The following SCARA3 variants were observed in gnomAD, a reference collection of about 807,000 sequenced individuals.
SCARA3 encodes cellular stress response gene protein.
Under a neutral mutation model 47.0 loss-of-function variants are expected in SCARA3, and 39 were observed. The observed-to-expected ratio is 0.83, with a 90% CI of 0.64 to 1.08. The LOEUF is 1.08. Among genes scored for constraint, SCARA3 ranks in the 50% least tolerant of loss-of-function variants. SCARA3 has a pLI of 0.00. For synonymous variants in SCARA3, 356 were observed against 334.1 expected, an observed-to-expected ratio of 1.07 and a Z score of -0.71; for missense variants, 724 against 792.3, an observed-to-expected ratio of 0.91 and a Z score of 1.04.
At chr8:27,697,036 A>G in the SCARA3 span, among the ~76,000 whole-genome samples, 1 of 152,216 alleles carries the variant, frequency 6.6e-6, no homozygotes, top group Admixed American at 6.5e-5. Flanking sequence ...ATTTTATGGT[A>G]TGTAAGTTGT....
chr8:27,651,393 T>G, intron 2 of SCARA3, 115 bp from the exon 3 acceptor site: 1 of 1,313,434 alleles, frequency 7.6e-7, no homozygotes, highest in Non-Finnish European at 1.0e-6. Flanking sequence ...ACAGCTCCCC[T>G]TCTGAGCCTG....
downstream of SCARA3, among the ~76,000 whole-genome samples, chr8:27,675,573 T>C (rs1300911810): frequency 6.6e-6 from 1 of 152,102 alleles, no homozygotes; most frequent in African/African-American, 2.4e-5. Context: ...GTGGATCACT[T>C]GAGGTCAGGA....
At chr8:27,682,975 A>G in the SCARA3 span, among the ~76,000 whole-genome samples, 1 of 152,152 alleles carries the variant, frequency 6.6e-6, no homozygotes, top group African/African-American at 2.4e-5. Context: ...TTATTGTACA[A>G]GAATATTCAT....
chr8:27,639,005 C>T (rs200941144), intron 1 of SCARA3, among the ~76,000 whole-genome samples: 6 of 152,260 alleles, frequency 3.9e-5, no homozygotes, highest in African/African-American at 7.2e-5. Context: ...GCAAATCTGA[C>T]GGCACCAGAT....
chr8:27,634,947 A>G (rs568481267), intron 1 of SCARA3, among the ~76,000 whole-genome samples: 71 of 152,240 alleles, frequency 4.7e-4, no homozygotes, highest in African/African-American at 1.6e-3. Flanking sequence ...GCTACAGGAG[A>G]AGCAGGCTTT....
Position 27,634,125 on chromosome 8 carries a change from T to G in SCARA3, c.-76T>G. ...GGACGGCGATCCGCGCCCTGGAGGA[T>G]CCGCCGGCCGCCCGGCTCCACTACA... On this transcript the variant is annotated 5_prime_UTR_variant, in exon 1 of 6. Coordinates refer to ENST00000301904, the MANE Select transcript of SCARA3 (RefSeq NM_016240.3). 2 of 1,387,694 alleles carry G rather than the reference T, an allele frequency of 1.4e-6. No homozygotes were observed. Among genetic ancestry groups the G allele is most frequent in the Non-Finnish European group, 1.9e-6 (2 of 1,062,382 alleles). 86.0% of individuals were successfully genotyped at this position (1,387,694 alleles called of 1,614,324 possible). A position where few individuals can be genotyped will look rare whatever the true frequency, so the allele number is the denominator to read the frequency against.
chr8:27,676,544 T>C, downstream of SCARA3: 1 of 1,610,974 alleles, frequency 6.2e-7, no homozygotes, highest in Non-Finnish European at 8.5e-7. Flanking sequence ...TATTAGAACA[T>C]CTCAATGTGT....
intron 1 of SCARA3, 111 bp downstream of exon 1, chr8:27,634,318 G>T: frequency 1.0e-6 from 1 of 994,146 alleles, no homozygotes; most frequent in Non-Finnish European, 1.3e-6. Context: ...AGGGCAGGGC[G>T]CCTCTGGCTT....
chr8:27,643,990 A>C (rs1261158028), intron 1 of SCARA3, among the ~76,000 whole-genome samples: 3 of 152,328 alleles, frequency 2.0e-5, no homozygotes, highest in Non-Finnish European at 4.4e-5. Flanking sequence ...GCTCAACCCC[A>C]GTGGAGTCAG....
intron 1 of SCARA3, among the ~76,000 whole-genome samples, chr8:27,646,651 G>GCCCACAT (rs1249684638): frequency 6.6e-6 from 1 of 152,136 alleles, no homozygotes; most frequent in African/African-American, 2.4e-5. Context: ...ACAGCCCACA[G>GCCCACAT]CCCACAACGT....
chr8:27,651,778 T>G, intron 3 of SCARA3, 151 bp downstream of exon 3: 4 of 1,118,568 alleles, frequency 3.6e-6, no homozygotes, highest in Non-Finnish European at 3.8e-6. Flanking sequence ...CTATGCCTAA[T>G]GCAAACTGCA....
At chr8:27,669,879 AG>A (rs1405700251) in intron 5 of SCARA3, among the ~76,000 whole-genome samples, 2 of 152,214 alleles carry the variant, frequency 1.3e-5, no homozygotes, top group African/African-American at 4.8e-5. Context: ...CCTGTGCCGC[AG>A]AACTGGGTAC....
intron 5 of SCARA3, among the ~76,000 whole-genome samples, chr8:27,667,417 C>T (rs1002126800): frequency 1.3e-5 from 2 of 152,178 alleles, no homozygotes; most frequent in Non-Finnish European, 2.9e-5. Context: ...CCTAGGATTG[C>T]AGCCTCTCCT....
chr8:27,680,827 T>G (rs1802344662), downstream of SCARA3, among the ~76,000 whole-genome samples: 2 of 152,198 alleles, frequency 1.3e-5, no homozygotes, highest in East Asian at 1.9e-4. Flanking sequence ...ACAAGAATGC[T>G]AGGCTAGTTT....
chr8:27,712,337 G>T, the SCARA3 span, among the ~76,000 whole-genome samples: 1 of 152,016 alleles, frequency 6.6e-6, no homozygotes, highest in Admixed American at 6.6e-5. Context: ...GCCGAGGCGG[G>T]CGGATCACGA....
chr8:27,660,284 A>G (rs967950739), intron 5 of SCARA3, among the ~76,000 whole-genome samples: 14 of 152,102 alleles, frequency 9.2e-5, no homozygotes, highest in Non-Finnish European at 1.5e-4. Flanking sequence ...CAGAAATAGA[A>G]TCAATAGTGT....
At position 27,656,781 on chromosome 8, in the gene SCARA3, G is replaced by A; in HGVS notation, c.227-1G>A. Reference sequence around the variant, plus strand: ...CAGCTTCTCATCTGTTTTCCCTACAGTTTTCAGAAAAGTGGACTCTCTCTC... The same window carrying A: ...CAGCTTCTCATCTGTTTTCCCTACAATTTTCAGAAAAGTGGACTCTCTCTC... On this transcript the variant is annotated splice_acceptor_variant, in intron 3 of 5. Coordinates refer to ENST00000301904, the MANE Select transcript of SCARA3 (RefSeq NM_016240.3). LOFTEE classifies it high-confidence loss of function. The A allele has an allele frequency of 6.3e-7, 1 of 1,595,320 alleles. No individual in the cohort carries two copies. Among genetic ancestry groups the A allele is most frequent in the South Asian group, 1.1e-5 (1 of 90,702 alleles).
chr8:27,638,316 G>GTGTGTT (rs1801302880), intron 1 of SCARA3, among the ~76,000 whole-genome samples: 1 of 74,988 alleles, frequency 1.3e-5, no homozygotes, highest in African/African-American at 3.5e-5. Context: ...TTTAGTGATT[G>GTGTGTT]TGTGTGTGTG....
chr8:27,658,127 T>A (rs1801781902), intron 4 of SCARA3, among the ~76,000 whole-genome samples: 1 of 152,168 alleles, frequency 6.6e-6, no homozygotes. Context: ...TTGAATGTAT[T>A]ATTTTGAGAG....
Sources: gnomAD v4.1 joint callset for allele counts (sites outside exome capture counted in the v4.1 genomes callset) on GRCh38, gnomAD v4.1.1 for gene constraint, MANE v1.5 for transcripts, NCBI Gene and HGNC (gene_info 2026-07-23, HGNC 2026-07-21) for gene names.